The following ADGRG7 variants were observed in gnomAD, a reference collection of about 807,000 sequenced individuals.
ADGRG7 encodes G-protein coupled receptor 128.
A neutral mutation model predicts 88.6 loss-of-function variants in ADGRG7; 82 were observed. The observed-to-expected ratio is 0.93, with a 90% CI of 0.77 to 1.11. The LOEUF (loss-of-function observed/expected upper bound fraction) is 1.11. ADGRG7 is among the 50% of genes most tolerant of loss of function. ADGRG7 has a pLI of 0.00. For synonymous variants in ADGRG7, 381 were observed against 345.2 expected (o/e 1.10, Z -1.15); for missense variants, 945 against 953.4 (o/e 0.99, Z 0.12).
rs9847507 is a variant in ADGRG7 at position 100,692,081 on chromosome 3, T to C, written c.2137-2663T>C. On this transcript the variant is annotated intron_variant, in intron 15 of 15. Transcript: ENST00000273352. ...TGTTTCTGGCTATGGTAAAATGTCA[T>C]TGAGGAGGAAAGTCTTTGATACAAA... 6.6e-3 allele frequency among the ~76,000 whole-genome samples: 1,009 copies of C among 152,280 alleles called. 9 individuals are homozygous for C. Among genetic ancestry groups the C allele is most frequent in the African/African-American group, 0.022 (914 of 41,554 alleles).
At chr3:100,677,551 AT>A (rs796857123) in intron 15 of ADGRG7, among the ~76,000 whole-genome samples, 38 of 152,032 alleles carry the variant, frequency 2.5e-4, no homozygotes, top group African/African-American at 7.7e-4. Flanking sequence ...ATAATTTCTT[AT>A]TGCTTATTTT....
At chr3:100,644,644 C>T (rs886210159) in intron 8 of ADGRG7, among the ~76,000 whole-genome samples, 1 of 151,822 alleles carries the variant, frequency 6.6e-6, no homozygotes, top group African/African-American at 2.4e-5. Flanking sequence ...CCTCCAGCCT[C>T]AGCCTCCCAA....
intron 15 of ADGRG7, among the ~76,000 whole-genome samples, chr3:100,682,123 A>T (rs1313597169): frequency 2.0e-5 from 3 of 152,134 alleles, no homozygotes; most frequent in Non-Finnish European, 4.4e-5. Context: ...ATGCTGAGGC[A>T]GGCAGTCCCC....
intron 1 of ADGRG7, among the ~76,000 whole-genome samples, chr3:100,622,604 T>C (rs1393377757): frequency 6.6e-6 from 1 of 152,118 alleles, no homozygotes; most frequent in Non-Finnish European, 1.5e-5. Context: ...GCTGCTTGGG[T>C]TCTTATTATT....
At chr3:100,615,939 G>A (rs1168027075) in intron 1 of ADGRG7, among the ~76,000 whole-genome samples, 1 of 151,696 alleles carries the variant, frequency 6.6e-6, no homozygotes, top group Non-Finnish European at 1.5e-5. Flanking sequence ...AAGAAGATTA[G>A]AAAAATTTTA....
intron 15 of ADGRG7, among the ~76,000 whole-genome samples, chr3:100,684,007 A>C (rs1375223920): frequency 2.6e-5 from 4 of 152,140 alleles, no homozygotes; most frequent in Non-Finnish European, 5.9e-5. Flanking sequence ...ATGGTATTTA[A>C]TATATCTGTG....
intron 6 of ADGRG7, 53 bp from the exon 7 acceptor site, chr3:100,643,213 C>T (rs893654692): frequency 2.0e-6 from 3 of 1,537,502 alleles, no homozygotes; most frequent in Middle Eastern, 1.7e-4. Context: ...GAACACATAC[C>T]TTTCATTTTA....
Position 100,637,499 on chromosome 3 carries a change from A to G in ADGRG7, c.698+97A>G, listed in dbSNP as rs1178980118. On this transcript the variant is annotated intron_variant, in intron 6 of 15. Transcript: ENST00000273352. Reference sequence around the variant, plus strand: ...AGAGATATCTTTATTTCTCTCATGGATGCAGTAACTGACTGATTCCTCTGG... The same window carrying G: ...AGAGATATCTTTATTTCTCTCATGGGTGCAGTAACTGACTGATTCCTCTGG... 1.7e-5 allele frequency: 14 copies of G among 804,710 alleles called. 1 individual carries two copies. In the Admixed American group the frequency reaches 2.6e-4, roughly 15 times the overall value. 49.8% of individuals were successfully genotyped at this position (804,710 alleles called of 1,614,324 possible).
chr3:100,688,395 T>A (rs1418870518), intron 15 of ADGRG7, among the ~76,000 whole-genome samples: 2 of 152,234 alleles, frequency 1.3e-5, no homozygotes, highest in East Asian at 3.8e-4. Flanking sequence ...GCTCTGATCT[T>A]AGTTATTTCT....
At chr3:100,614,926 T>C (rs1707202914) in intron 1 of ADGRG7, among the ~76,000 whole-genome samples, 1 of 152,130 alleles carries the variant, frequency 6.6e-6, no homozygotes, top group Admixed American at 6.5e-5. Context: ...GGCTAATAAT[T>C]CTAGAAATAC....
chr3:100,610,617 G>T (rs1303338417), intron 1 of ADGRG7, among the ~76,000 whole-genome samples: 1 of 152,172 alleles, frequency 6.6e-6, no homozygotes, highest in Non-Finnish European at 1.5e-5. Context: ...GGGAAGTAGT[G>T]AGTAAAACAA....
chr3:100,676,244 A>G (rs1215397567), intron 15 of ADGRG7, among the ~76,000 whole-genome samples: 2 of 151,968 alleles, frequency 1.3e-5, no homozygotes, highest in Non-Finnish European at 2.9e-5. Context: ...TATTGCTATA[A>G]ACTTTCCTCT....
rs1398122929 is a variant in ADGRG7, at chr3:100,610,054, G to A, written c.115+83G>A. 2.6e-5 allele frequency: 29 copies of A among 1,110,414 alleles called. No individual in the cohort carries two copies. In the Admixed American group the frequency reaches 5.0e-4, roughly 19 times the overall value. The allele number at this position is 1,110,414 out of a possible 1,614,324, so 68.8% of individuals were successfully genotyped here. A position where few individuals can be genotyped will look rare whatever the true frequency, so the allele number is the denominator to read the frequency against. Reference sequence around the variant, plus strand: ...CTGCCACCTGGTGCACAAGTACTGGGAGGTACCTTGTCCAGTCTGAGGCAT... The same window carrying A: ...CTGCCACCTGGTGCACAAGTACTGGAAGGTACCTTGTCCAGTCTGAGGCAT... On this transcript the variant is annotated intron_variant, in intron 1 of 15. Coordinates refer to ENST00000273352, the MANE Select transcript of ADGRG7 (RefSeq NM_032787.3).
intron 5 of ADGRG7, 63 bp downstream of exon 5, chr3:100,635,889 A>T: frequency 8.1e-7 from 1 of 1,229,404 alleles, no homozygotes; most frequent in Non-Finnish European, 1.2e-6. Context: ...GTTGGGAAAG[A>T]AAGAGAGATG....
chr3:100,673,944 A>C (rs1359943465), intron 15 of ADGRG7, among the ~76,000 whole-genome samples: 1 of 151,800 alleles, frequency 6.6e-6, no homozygotes, highest in South Asian at 2.1e-4. Flanking sequence ...TCTTAATTTT[A>C]ATTTATAGTT....
rs772548301 is a variant in ADGRG7, at chr3:100,646,630, A to T, written c.1172A>T (p.Lys391Met). ...YACVYWNLSA[K>M]DWDTYGCQKD... ...TGTGTCTATTGGAATTTGTCAGCGA[A>T]GGACTGGGACACATATGGCTGTCAA... The change falls in exon 10 of 16, where the codon AAG becomes ATG. Residue 391 changes from lysine (K) to methionine (M), a missense_variant. Physicochemically the swap from Lys to Met is moderately conservative, Grantham distance 95. Coordinates refer to ENST00000273352, the MANE Select transcript of ADGRG7 (RefSeq NM_032787.3). 1 of 1,614,110 alleles carries T rather than the reference A, an allele frequency of 6.2e-7. No individual in the cohort carries two copies. The highest frequency in any genetic ancestry group is 1.1e-5 in the South Asian group (1 of 91,080).
chr3:100,620,998 G>A (rs1237514672), intron 1 of ADGRG7, among the ~76,000 whole-genome samples: 1 of 151,918 alleles, frequency 6.6e-6, no homozygotes, highest in African/African-American at 2.4e-5. Context: ...TTCTGTTATG[G>A]TGGTCTGTGA....
chr3:100,677,641 T>C (rs1248190810), intron 15 of ADGRG7, among the ~76,000 whole-genome samples: 1 of 152,148 alleles, frequency 6.6e-6, no homozygotes, highest in East Asian at 1.9e-4. Flanking sequence ...TTTTTGTTTG[T>C]CTGGGAAAAT....
At chr3:100,618,788 A>T (rs1004163974) in intron 1 of ADGRG7, among the ~76,000 whole-genome samples, 1 of 72,734 alleles carries the variant, frequency 1.4e-5, no homozygotes, top group Admixed American at 1.1e-4. Flanking sequence ...GATGGCATTG[A>T]TCTATAAATT....
Sources: allele counts gnomAD v4.1 joint callset (sites outside exome capture counted in the v4.1 genomes callset), GRCh38; gene constraint gnomAD v4.1.1; transcripts MANE v1.5; gene names NCBI Gene and HGNC (gene_info 2026-07-23, HGNC 2026-07-21).